COLQ: variants seen among roughly 807,000 people sequenced by gnomAD.
COLQ encodes acetylcholinesterase collagenic tail peptide.
A neutral mutation model predicts 69.0 loss-of-function variants in COLQ; 48 were observed. The ratio of observed to expected loss-of-function variants is 0.70; its 90% CI spans 0.55 to 0.88. The LOEUF (loss-of-function observed/expected upper bound fraction) is 0.88, where lower values mean the gene tolerates loss of function less well. COLQ is among the 40% of genes least tolerant of loss of function. The pLI is 0.00. For synonymous variants in COLQ, 217 were observed against 211.2 expected (o/e 1.03, Z -0.24); for missense variants, 618 against 594.6 (o/e 1.04, Z -0.41).
At chr3:15,452,415 G>T (rs1254753867) in intron 16 of COLQ, among the ~76,000 whole-genome samples, 1 of 152,196 alleles carries the variant, frequency 6.6e-6, no homozygotes, top group African/African-American at 2.4e-5. Flanking sequence ...CATTTGAACA[G>T]CAGCCTGTGA....
chr3:15,520,288 C>T (rs1448588393), intron 1 of COLQ, among the ~76,000 whole-genome samples: 1 of 152,246 alleles, frequency 6.6e-6, no homozygotes, highest in Non-Finnish European at 1.5e-5. Flanking sequence ...CCTGCCCACC[C>T]TCCTGAATTC....
Position 15,456,721 on chromosome 3 carries a change from T to C in COLQ, c.955-142A>G, listed in dbSNP as rs1426725341. ...TTTGCACACTACACTCTAGCATTCC[T>C]TCTGAAGTGAGAGGAGTGTCTTGAT... is the stretch of plus-strand genomic sequence containing the variant. On this transcript the variant is annotated intron_variant, in intron 13 of 16. Coordinates refer to ENST00000383788, the MANE Select transcript of COLQ (RefSeq NM_005677.4). The C allele has an allele frequency of 2.7e-6, 3 of 1,102,108 alleles. No individual in the cohort carries two copies. In the African/African-American group the frequency reaches 4.7e-5, roughly 17 times the overall value. The allele number at this position is 1,102,108 out of a possible 1,614,324, so 68.3% of individuals were successfully genotyped here. A position where few individuals can be genotyped will look rare whatever the true frequency, so the allele number is the denominator to read the frequency against.
At chr3:15,474,779 C>T (rs1157354922) in intron 8 of COLQ, 146 bp downstream of exon 8, 1 of 981,538 alleles carries the variant, frequency 1.0e-6, no homozygotes, top group Non-Finnish European at 1.6e-6. Flanking sequence ...CTCTCTCAGT[C>T]CACTGACAAA....
At chr3:15,488,483 T>C (rs2062613548) in intron 2 of COLQ, among the ~76,000 whole-genome samples, 176 bp from the exon 3 acceptor site, 1 of 152,186 alleles carries the variant, frequency 6.6e-6, no homozygotes, top group Non-Finnish European at 1.5e-5. Flanking sequence ...TTCTCTCATC[T>C]GCTCTTGAGA....
chr3:15,488,343 C>T lies in COLQ; in HGVS notation c.220-36G>A, dbSNP rs375782789. 21 of 1,572,546 alleles carry T rather than the reference C, an allele frequency of 1.3e-5. No homozygotes were observed. In the African/African-American group the frequency reaches 1.8e-4, roughly 13 times the overall value. ...AAGCAACACAGAGTTAGAGGTCAGG[C>T]GTAGGGGACAGAGGAAGGGTCACCA... is the stretch of plus-strand genomic sequence containing the variant. On this transcript the variant is annotated intron_variant, in intron 2 of 16. Transcript: ENST00000383788.
At chr3:15,499,520 A>C (rs1002719508) in intron 1 of COLQ, among the ~76,000 whole-genome samples, 7 of 152,238 alleles carry the variant, frequency 4.6e-5, no homozygotes, top group African/African-American at 1.7e-4. Context: ...CAATACATGA[A>C]GGAATGAGAT....
intron 1 of COLQ, among the ~76,000 whole-genome samples, chr3:15,502,237 T>C (rs1362447164): frequency 1.3e-5 from 2 of 151,188 alleles, no homozygotes; most frequent in Admixed American, 6.6e-5. Context: ...TGCCTCAGCC[T>C]CCGGAGTAGC....
intron 1 of COLQ, among the ~76,000 whole-genome samples, chr3:15,505,365 C>T (rs779180062): frequency 1.1e-4 from 16 of 152,210 alleles, no homozygotes; most frequent in Non-Finnish European, 1.8e-4. Context: ...CATCTCGTGT[C>T]GGTCATTATT....
chr3:15,466,585 TTAA>T (rs1197299241), intron 11 of COLQ, 148 bp from the exon 12 acceptor site: 7 of 661,656 alleles, frequency 1.1e-5, no homozygotes, highest in Non-Finnish European at 1.9e-5. Context: ...CATCGAGCTC[TTAA>T]TAAGCTTAGG....
chr3:15,468,428 G>A (rs1349109597), intron 11 of COLQ, among the ~76,000 whole-genome samples: 5 of 143,402 alleles, frequency 3.5e-5, no homozygotes, highest in East Asian at 2.2e-4. Flanking sequence ...TGCCTCCTGC[G>A]TTCAAGCAAC....
At chr3:15,501,500 G>C (rs2062830437) in intron 1 of COLQ, among the ~76,000 whole-genome samples, 1 of 152,200 alleles carries the variant, frequency 6.6e-6, no homozygotes, top group East Asian at 1.9e-4. Context: ...CACCAGCCCT[G>C]GAGCACTTCA....
At chr3:15,463,760 C>T (rs996097127) in intron 12 of COLQ, among the ~76,000 whole-genome samples, 1 of 152,108 alleles carries the variant, frequency 6.6e-6, no homozygotes, top group African/African-American at 2.4e-5. Flanking sequence ...AGTTATGGGG[C>T]TCCAGGGGGA....
intron 11 of COLQ, among the ~76,000 whole-genome samples, chr3:15,467,580 T>C (rs1336687209): frequency 6.6e-6 from 1 of 152,214 alleles, no homozygotes; most frequent in Non-Finnish European, 1.5e-5. Context: ...ACTGGGCTCT[T>C]TGTTCTCCCT....
intron 1 of COLQ, among the ~76,000 whole-genome samples, chr3:15,502,186 G>A (rs1255418200): frequency 6.7e-6 from 1 of 149,990 alleles, no homozygotes; most frequent in Non-Finnish European, 1.5e-5. Context: ...CATGATCTCG[G>A]TTCACTGCAA....
In COLQ at chr3:15,498,397, T is replaced by G. The variant is rs988228183; in HGVS notation, c.107-8760A>C. 8 of 1,103,742 alleles carry G rather than the reference T, an allele frequency of 7.2e-6. No homozygotes were observed. The African/African-American group carries it at 1.3e-4, about 18-fold the overall frequency. The allele number at this position is 1,103,742 out of a possible 1,614,324, so 68.4% of individuals were successfully genotyped here. On this transcript the variant is annotated intron_variant, in intron 1 of 16. Transcript: ENST00000383788. Reference sequence around the variant, plus strand: ...AGAAAAACTTAAAAAGAAAAAAAATTTAAAGGCTGCTAAAACCTCCTAGTA... The same window carrying G: ...AGAAAAACTTAAAAAGAAAAAAAATGTAAAGGCTGCTAAAACCTCCTAGTA...
intron 4 of COLQ, 59 bp downstream of exon 4, chr3:15,479,279 C>A: frequency 6.4e-7 from 1 of 1,554,686 alleles, no homozygotes; most frequent in Non-Finnish European, 8.9e-7. Context: ...AGTGGGATGC[C>A]CAGAAAACAG....
intron 1 of COLQ, among the ~76,000 whole-genome samples, chr3:15,506,362 T>G (rs544546739): frequency 6.6e-6 from 1 of 152,334 alleles, no homozygotes; most frequent in East Asian, 1.9e-4. Context: ...AGGTATTACA[T>G]GCATGTGATT....
At chr3:15,521,327 T>A (rs555766727) in intron 1 of COLQ, among the ~76,000 whole-genome samples, 193 bp downstream of exon 1, 48 of 152,208 alleles carry the variant, frequency 3.2e-4, no homozygotes, top group African/African-American at 1.1e-3. Flanking sequence ...TAGGAGCCGG[T>A]TGGAACAAGG....
intron 1 of COLQ, among the ~76,000 whole-genome samples, chr3:15,489,951 A>C (rs1319176575): frequency 6.6e-6 from 1 of 152,258 alleles, no homozygotes; most frequent in Non-Finnish European, 1.5e-5. Context: ...AAGTTCAAAC[A>C]GATTTCATCA....
Sources: gnomAD v4.1 joint callset for allele counts (sites outside exome capture counted in the v4.1 genomes callset) on GRCh38, gnomAD v4.1.1 for gene constraint, MANE v1.5 for transcripts, NCBI Gene and HGNC (gene_info 2026-07-23, HGNC 2026-07-21) for gene names.